Variants in RFX3 observed in about 807,000 individuals in gnomAD.
The protein encoded by RFX3 is transcription factor RFX3.
RFX3 carries 14 observed loss-of-function variants against 98.6 expected under a neutral mutation model. That is an observed-to-expected ratio of 0.14 (90% confidence interval 0.09 to 0.22). The LOEUF (loss-of-function observed/expected upper bound fraction) is 0.22, where lower values mean the gene tolerates loss of function less well. RFX3 is among the 10% of genes least tolerant of loss of function. The pLI, the probability that RFX3 is intolerant of heterozygous loss-of-function variation, is 1.00. For missense variants in RFX3, 639 were observed against 926.9 expected, an observed-to-expected ratio of 0.69 and a Z score of 4.03; for synonymous variants, 383 against 328.4, an observed-to-expected ratio of 1.17 and a Z score of -1.80.
intron 1 of RFX3, among the ~76,000 whole-genome samples, chr9:3,525,080 AG>A (rs201906134): frequency 6.6e-6 from 1 of 151,970 alleles, no homozygotes; most frequent in Admixed American, 6.6e-5. Context: ...AAAAGAAAAA[AG>A]AAAACCATGA....
chr9:3,494,809 C>T (rs968871097), intron 1 of RFX3, among the ~76,000 whole-genome samples: 1 of 152,020 alleles, frequency 6.6e-6, no homozygotes, highest in Admixed American at 6.6e-5. Flanking sequence ...TGCACTCAAT[C>T]TGCTGTTTTG....
intron 1 of RFX3, among the ~76,000 whole-genome samples, chr9:3,473,260 C>G (rs72699087): frequency 6.6e-6 from 1 of 152,286 alleles, no homozygotes; most frequent in Non-Finnish European, 1.5e-5. Flanking sequence ...TTTTCTACTT[C>G]AAGTATTAGC....
chr9:3,288,923 A>G (rs1433094317), intron 6 of RFX3, among the ~76,000 whole-genome samples: 1 of 152,064 alleles, frequency 6.6e-6, no homozygotes, highest in Non-Finnish European at 1.5e-5. Flanking sequence ...TTTGTCACAG[A>G]AGAGATGGGG....
chr9:3,426,535 G>A (rs1844052296), intron 1 of RFX3, among the ~76,000 whole-genome samples: 2 of 152,234 alleles, frequency 1.3e-5, no homozygotes, highest in Admixed American at 1.3e-4. Flanking sequence ...AGCAGGAGGT[G>A]AGCAGCAGGT....
At chr9:3,385,286 G>T (rs1011566320) in intron 2 of RFX3, among the ~76,000 whole-genome samples, 16 of 152,228 alleles carry the variant, frequency 1.1e-4, no homozygotes, top group African/African-American at 3.4e-4. Flanking sequence ...AAGAACTAAT[G>T]CTAAAATTGA....
At chr9:3,258,818 A>C (rs994826689) in intron 13 of RFX3, among the ~76,000 whole-genome samples, 2 of 151,570 alleles carry the variant, frequency 1.3e-5, no homozygotes, top group African/African-American at 2.4e-5. Flanking sequence ...TATATACACT[A>C]TATTATTTAT....
intron 2 of RFX3, among the ~76,000 whole-genome samples, chr9:3,377,406 G>A (rs1226802765): frequency 6.6e-6 from 1 of 152,084 alleles, no homozygotes; most frequent in Non-Finnish European, 1.5e-5. Context: ...AGAACACTTG[G>A]ACACAGGAAG....
intron 1 of RFX3, among the ~76,000 whole-genome samples, chr9:3,437,516 T>C (rs1845242516): frequency 6.6e-6 from 1 of 152,076 alleles, no homozygotes; most frequent in African/African-American, 2.4e-5. Flanking sequence ...GTAATAAAGC[T>C]AGTCCAAGGA....
At chr9:3,466,506 G>C (rs890472782) in intron 1 of RFX3, among the ~76,000 whole-genome samples, 1 of 152,158 alleles carries the variant, frequency 6.6e-6, no homozygotes. Context: ...AAATCTATTA[G>C]TATAGGTTGG....
chr9:3,448,188 AT>A (rs1297980666), intron 1 of RFX3, among the ~76,000 whole-genome samples: 2 of 152,186 alleles, frequency 1.3e-5, no homozygotes, highest in African/African-American at 2.4e-5. Flanking sequence ...CATTCTTACA[AT>A]TCACAGTGGT....
At chr9:3,269,048 G>C (rs563952342) in intron 11 of RFX3, among the ~76,000 whole-genome samples, 11 of 152,060 alleles carry the variant, frequency 7.2e-5, no homozygotes, top group African/African-American at 2.4e-4. Flanking sequence ...TAAATCAGTA[G>C]AGAATTTAGC....
intron 13 of RFX3, among the ~76,000 whole-genome samples, chr9:3,258,562 T>C (rs1419374932): frequency 1.3e-5 from 2 of 152,074 alleles, no homozygotes; most frequent in Admixed American, 6.5e-5. Flanking sequence ...CTATTCACTG[T>C]CTTTTTTCCT....
intron 4 of RFX3, among the ~76,000 whole-genome samples, chr9:3,307,174 A>G (rs1206549427): frequency 6.6e-6 from 1 of 152,138 alleles, no homozygotes; most frequent in Non-Finnish European, 1.5e-5. Context: ...TGAGCTATAC[A>G]TTAAACCGCT....
chr9:3,365,576 C>T (rs1459604031), intron 2 of RFX3, among the ~76,000 whole-genome samples: 1 of 152,136 alleles, frequency 6.6e-6, no homozygotes, highest in Non-Finnish European at 1.5e-5. Context: ...ACTCCTCTAG[C>T]AAGGGTAAAG....
chr9:3,382,592 G>T (rs951981347), intron 2 of RFX3, among the ~76,000 whole-genome samples: 9 of 152,108 alleles, frequency 5.9e-5, no homozygotes, highest in Admixed American at 1.3e-4. Flanking sequence ...TTTTTCTTGA[G>T]AATCATTTAG....
chr9:3,320,768 CATATATAT>C (rs34990458), intron 4 of RFX3, among the ~76,000 whole-genome samples: 5,810 of 85,616 alleles, frequency 0.068, 228 homozygotes, highest in East Asian at 0.2. Flanking sequence ...TGCTACATAG[CATATATAT>C]ATATATATAT....
In RFX3 at chr9:3,257,216, G is replaced by A. The variant is rs764685571; in HGVS notation, c.1606-17C>T. On this transcript the variant is annotated splice_polypyrimidine_tract_variant and intron_variant, in intron 13 of 16. Transcript: ENST00000617270. ...AGCCTGCTCCTGAGACAGTAACACA[G>A]AAAGAAAAGGAAAAGTTCAATTCAG... 2 of 1,611,116 alleles carry A rather than the reference G, an allele frequency of 1.2e-6. No homozygotes were observed. Among genetic ancestry groups the A allele is most frequent in the Non-Finnish European group, 1.7e-6 (2 of 1,177,750 alleles).
intron 2 of RFX3, among the ~76,000 whole-genome samples, chr9:3,384,396 T>G (rs1230063234): frequency 6.6e-6 from 1 of 152,248 alleles, no homozygotes; most frequent in Non-Finnish European, 1.5e-5. Context: ...ATTACTGTCC[T>G]GGCGTATACT....
At chr9:3,472,818 C>G (rs1044564321) in intron 1 of RFX3, among the ~76,000 whole-genome samples, 1 of 152,160 alleles carries the variant, frequency 6.6e-6, no homozygotes, top group African/African-American at 2.4e-5. Context: ...TGGACAACTG[C>G]TATAGTATCC....
Sources: gnomAD v4.1 joint callset for allele counts (sites outside exome capture counted in the v4.1 genomes callset) on GRCh38, gnomAD v4.1.1 for gene constraint, MANE v1.5 for transcripts, NCBI Gene and HGNC (gene_info 2026-07-23, HGNC 2026-07-21) for gene names.